KCNIP4: variants seen among roughly 807,000 people sequenced by gnomAD.
KCNIP4 encodes the protein potassium voltage-gated channel interacting protein 4.
KCNIP4 carries 12 observed loss-of-function variants against 34.0 expected under a neutral mutation model. The observed-to-expected ratio is 0.35, with a 90% CI of 0.23 to 0.57. The LOEUF (loss-of-function observed/expected upper bound fraction) is 0.57, where lower values mean the gene tolerates loss of function less well. KCNIP4 is among the 20% of genes least tolerant of loss of function. The probability of loss-of-function intolerance (pLI) is 0.83; values close to 1 mark genes in which losing one functional copy is unlikely to be tolerated. For synonymous variants in KCNIP4, 124 were observed against 102.2 expected, an observed-to-expected ratio of 1.21 and a Z score of -1.29; for missense variants, 238 against 311.7, an observed-to-expected ratio of 0.76 and a Z score of 1.78.
intron 2 of KCNIP4, among the ~76,000 whole-genome samples, chr4:20,874,764 A>G (rs1424627908): frequency 2.6e-5 from 4 of 152,138 alleles, no homozygotes; most frequent in Non-Finnish European, 2.9e-5. Flanking sequence ...ATGAAAATGA[A>G]ATATTCAAAA....
chr4:20,956,646 C>T (rs1325112333), intron 1 of KCNIP4, among the ~76,000 whole-genome samples: 1 of 152,116 alleles, frequency 6.6e-6, no homozygotes, highest in Non-Finnish European at 1.5e-5. Flanking sequence ...AGAGAGGAAT[C>T]TAAGCAAGAA....
chr4:21,757,219 GA>G (rs1287907144), intron 1 of KCNIP4, among the ~76,000 whole-genome samples: 1 of 21,712 alleles, frequency 4.6e-5, no homozygotes, highest in African/African-American at 3.5e-4. Context: ...AAGAAAGAAA[GA>G]AAGAAAGAAA....
intron 1 of KCNIP4, among the ~76,000 whole-genome samples, chr4:21,134,771 C>T (rs1324369810): frequency 6.6e-6 from 1 of 152,212 alleles, no homozygotes; most frequent in Non-Finnish European, 1.5e-5. Context: ...TCAATATAAT[C>T]CCATTCACTG....
intron 3 of KCNIP4, among the ~76,000 whole-genome samples, chr4:20,835,561 T>C (rs1400105402): frequency 6.6e-6 from 1 of 152,170 alleles, no homozygotes; most frequent in Non-Finnish European, 1.5e-5. Flanking sequence ...ATTCAATGCA[T>C]GTTATTTTTC....
chr4:21,412,903 C>A (rs1476019977), intron 1 of KCNIP4, among the ~76,000 whole-genome samples: 1 of 152,200 alleles, frequency 6.6e-6, no homozygotes, highest in Non-Finnish European at 1.5e-5. Flanking sequence ...TCCTCTATCC[C>A]TTTTCCATTC....
intron 1 of KCNIP4, among the ~76,000 whole-genome samples, chr4:21,600,864 ATCTATCCTTGC>A (rs570825162): frequency 8.9e-4 from 135 of 151,932 alleles, no homozygotes; most frequent in Non-Finnish European, 1.6e-3. Flanking sequence ...GCCTTGCCTT[ATCTATCCTTGC>A]TCAGGTACCT....
intron 1 of KCNIP4, among the ~76,000 whole-genome samples, chr4:21,765,979 G>A (rs747764056): frequency 3.9e-5 from 6 of 152,016 alleles, no homozygotes; most frequent in Non-Finnish European, 7.4e-5. Flanking sequence ...CTGCAATAGC[G>A]GCACCATGTG....
chr4:21,690,152 C>T (rs866626559), intron 1 of KCNIP4, among the ~76,000 whole-genome samples: 1 of 147,718 alleles, frequency 6.8e-6, no homozygotes, highest in African/African-American at 2.5e-5. Context: ...TATATATACA[C>T]ACACACATAC....
At chr4:21,763,699 T>C (rs1245563509) in intron 1 of KCNIP4, among the ~76,000 whole-genome samples, 1 of 152,224 alleles carries the variant, frequency 6.6e-6, no homozygotes, top group Non-Finnish European at 1.5e-5. Context: ...CCAGCACAGT[T>C]ATTCTGAGGA....
chr4:21,910,212 C>A (rs1253466632), intron 1 of KCNIP4, among the ~76,000 whole-genome samples: 1 of 152,082 alleles, frequency 6.6e-6, no homozygotes, highest in Non-Finnish European at 1.5e-5. Context: ...AATATCCAAT[C>A]TTCTCTTCCA....
chr4:21,794,566 G>T (rs1429569199), intron 1 of KCNIP4, among the ~76,000 whole-genome samples: 1 of 152,096 alleles, frequency 6.6e-6, no homozygotes, highest in Non-Finnish European at 1.5e-5. Flanking sequence ...TCTTGGGGAG[G>T]CTCAGAGAAT....
intron 1 of KCNIP4, chr4:21,613,352 T>A (rs1351796219): frequency 6.6e-6 from 1 of 152,180 alleles, no homozygotes; most frequent in African/African-American, 2.4e-5. Flanking sequence ...CCACCATGCA[T>A]GAGGACATTC....
chr4:21,180,799 CAT>C (rs1032901297), intron 1 of KCNIP4, among the ~76,000 whole-genome samples: 2 of 150,856 alleles, frequency 1.3e-5, no homozygotes, highest in Admixed American at 1.3e-4. Context: ...TACATACAGA[CAT>C]ATATATATAA....
At chr4:21,512,710 T>G (rs778977974) in intron 1 of KCNIP4, among the ~76,000 whole-genome samples, 1 of 152,192 alleles carries the variant, frequency 6.6e-6, no homozygotes, top group African/African-American at 2.4e-5. Context: ...AAGCATCTTA[T>G]GTTTGCTGTA....
chr4:21,416,532 C>G, intron 1 of KCNIP4, among the ~76,000 whole-genome samples: 1 of 152,128 alleles, frequency 6.6e-6, no homozygotes, highest in Non-Finnish European at 1.5e-5. Flanking sequence ...ATTACTTTGT[C>G]TATTTTGGTC....
chr4:21,922,045 G>C (rs1728967722), intron 1 of KCNIP4, among the ~76,000 whole-genome samples: 2 of 151,962 alleles, frequency 1.3e-5, no homozygotes, highest in South Asian at 4.2e-4. Context: ...AACTTCTCTG[G>C]CCTCTTTTCT....
At chr4:21,254,893 T>A (rs1760956761) in intron 1 of KCNIP4, among the ~76,000 whole-genome samples, 1 of 152,206 alleles carries the variant, frequency 6.6e-6, no homozygotes, top group African/African-American at 2.4e-5. Context: ...ATTGTCGCTA[T>A]CTTCTAATAT....
intron 1 of KCNIP4, among the ~76,000 whole-genome samples, chr4:21,044,999 T>A (rs1742311146): frequency 6.6e-6 from 1 of 152,178 alleles, no homozygotes; most frequent in Non-Finnish European, 1.5e-5. Flanking sequence ...AAGAGACAAG[T>A]GAAGGGATAC....
At chr4:20,925,218 C>T (rs1729782934) in intron 1 of KCNIP4, among the ~76,000 whole-genome samples, 1 of 152,074 alleles carries the variant, frequency 6.6e-6, no homozygotes, top group Non-Finnish European at 1.5e-5. Context: ...ATATCCATGA[C>T]TATTGGCTAT....
Sources: allele counts gnomAD v4.1 joint callset (sites outside exome capture counted in the v4.1 genomes callset), GRCh38; gene constraint gnomAD v4.1.1; transcripts MANE v1.5; gene names NCBI Gene and HGNC (gene_info 2026-07-23, HGNC 2026-07-21).